The following LRRIQ1 variants were observed in gnomAD, a reference collection of about 807,000 sequenced individuals.
LRRIQ1 encodes the protein leucine rich repeats and IQ motif containing 1.
LRRIQ1 carries 210 observed loss-of-function variants against 211.9 expected under a neutral mutation model. The observed-to-expected ratio is 0.99, with a 90% confidence interval of 0.89 to 1.11. The LOEUF (loss-of-function observed/expected upper bound fraction) is 1.11. Among genes scored for constraint, LRRIQ1 ranks in the 50% most tolerant of loss-of-function variants. The pLI is 0.00. For missense variants in LRRIQ1, 2,136 were observed against 1,939.5 expected (o/e 1.10, Z -1.90); for synonymous variants, 699 against 650.1 (o/e 1.08, Z -1.14).
intron 26 of LRRIQ1, 140 bp from the exon 27 acceptor site, chr12:85,244,649 C>T (rs568837146): frequency 2.7e-6 from 2 of 729,898 alleles, no homozygotes; most frequent in South Asian, 1.8e-5. Context: ...TCTGCCTGGG[C>T]AGCAATAAAG....
chr12:85,103,973 ATTT>A (rs749288424), intron 13 of LRRIQ1, 28 bp from the exon 14 acceptor site: 9 of 1,406,410 alleles, frequency 6.4e-6, no homozygotes, highest in Non-Finnish European at 8.9e-6. Context: ...CCAATTTAGA[ATTT>A]TGATGAAGTT....
At position 85,124,218 on chromosome 12, in the gene LRRIQ1, G is replaced by T; in HGVS notation, c.3706G>T (p.Ala1236Ser). ...ATCAGAAGCCCAGAAAAATCATTTG[G>T]CCCCTACAAACAGTGACAGCACTCT... Reference protein sequence around the residue: ...DESEAQKNHLAPTNSDSTLQN... With the variant: ...DESEAQKNHLSPTNSDSTLQN... The change falls in exon 17 of 27, where the codon GCC becomes TCC. Residue 1236 changes from alanine (A) to serine (S), a missense_variant. Ala to Ser is a moderately conservative substitution (Grantham distance 99, BLOSUM62 1). Coordinates refer to ENST00000393217, the MANE Select transcript of LRRIQ1 (RefSeq NM_001079910.2). 1 of 1,613,972 alleles carries T rather than the reference G, an allele frequency of 6.2e-7. No individual in the cohort carries two copies. Among genetic ancestry groups the T allele is most frequent in the Non-Finnish European group, 8.5e-7 (1 of 1,179,984 alleles).
At chr12:85,076,425 T>C (rs1430043270) in intron 11 of LRRIQ1, 2 of 156,058 alleles carry the variant, frequency 1.3e-5, no homozygotes, top group African/African-American at 4.8e-5. Context: ...TTAGGAAAAC[T>C]TTAATCTGAA....
intron 24 of LRRIQ1, among the ~76,000 whole-genome samples, chr12:85,190,419 TATAA>T (rs1029725245): frequency 2.0e-5 from 3 of 147,276 alleles, no homozygotes; most frequent in East Asian, 2.0e-4. Flanking sequence ...ATACAGTTAA[TATAA>T]ATAATTATAT....
chr12:85,161,756 A>G (rs1459269101), intron 24 of LRRIQ1, among the ~76,000 whole-genome samples: 2 of 152,142 alleles, frequency 1.3e-5, no homozygotes, highest in Admixed American at 6.6e-5. Context: ...GTAGATAGCA[A>G]TAGTCTGGGC....
rs60371759 is a variant in LRRIQ1 at position 85,236,830 on chromosome 12, C to CATATATATATATATATATATATAT, written c.5016+4077_5016+4100dup. On this transcript the variant is annotated intron_variant, in intron 26 of 26. Transcript: ENST00000393217. ...CTGGATATATGTATGTGTATGTGTG[C>CATATATATATATATATATATATAT]ATATATATATATATATATATATATA... 1.3e-3 allele frequency among the ~76,000 whole-genome samples: 139 copies of CATATATATATATATATATATATAT among 108,734 alleles called. 2 individuals are homozygous for CATATATATATATATATATATATAT. The highest frequency in any genetic ancestry group is 2.8e-3 in the African/African-American group (62 of 22,320). 71.3% of individuals were successfully genotyped at this position (108,734 alleles called of 152,430 possible).
intron 24 of LRRIQ1, among the ~76,000 whole-genome samples, chr12:85,189,376 T>A (rs953761889): frequency 6.6e-6 from 1 of 152,112 alleles, no homozygotes; most frequent in African/African-American, 2.4e-5. Flanking sequence ...TGCTCTCTGA[T>A]GTCTGTATTC....
chr12:85,041,410 A>G (rs537534817), intron 3 of LRRIQ1, among the ~76,000 whole-genome samples: 1 of 151,782 alleles, frequency 6.6e-6, no homozygotes, highest in Non-Finnish European at 1.5e-5. Flanking sequence ...GCTATGAAGG[A>G]AAAAAATGTA....
At chr12:85,138,310 A>T (rs1015326496) in intron 19 of LRRIQ1, among the ~76,000 whole-genome samples, 9 of 151,592 alleles carry the variant, frequency 5.9e-5, no homozygotes, top group Admixed American at 6.6e-5. Context: ...TCTGAGATCT[A>T]ATCCAGAATC....
intron 11 of LRRIQ1, among the ~76,000 whole-genome samples, chr12:85,084,283 T>C (rs1884594080): frequency 6.6e-6 from 1 of 152,054 alleles, no homozygotes; most frequent in Admixed American, 6.5e-5. Context: ...ATGTAAACAC[T>C]AAACAAAATG....
chr12:85,225,551 G>A (rs907750282), intron 24 of LRRIQ1, among the ~76,000 whole-genome samples: 1 of 151,992 alleles, frequency 6.6e-6, no homozygotes, highest in Non-Finnish European at 1.5e-5. Flanking sequence ...ATTACTTAAG[G>A]TTGTGTTTTG....
intron 24 of LRRIQ1, among the ~76,000 whole-genome samples, chr12:85,182,126 A>G (rs181035911): frequency 5.3e-4 from 80 of 152,174 alleles, no homozygotes; most frequent in African/African-American, 1.9e-3. Flanking sequence ...CTATTTGAAC[A>G]TGTTCCCAAA....
intron 24 of LRRIQ1, among the ~76,000 whole-genome samples, chr12:85,196,580 G>C (rs1892925863): frequency 6.6e-6 from 1 of 152,210 alleles, no homozygotes; most frequent in Admixed American, 6.5e-5. Flanking sequence ...ATGGGGAAAG[G>C]ATTCCCTGTT....
intron 3 of LRRIQ1, among the ~76,000 whole-genome samples, chr12:85,044,251 TCAA>T (rs1254438618): frequency 6.6e-6 from 1 of 152,062 alleles, no homozygotes; most frequent in African/African-American, 2.4e-5. Flanking sequence ...ATTATAAAAT[TCAA>T]CAACTCATAA....
At chr12:85,217,624 A>C (rs1565910021) in intron 24 of LRRIQ1, among the ~76,000 whole-genome samples, 1 of 138,852 alleles carries the variant, frequency 7.2e-6, no homozygotes, top group Non-Finnish European at 1.5e-5. Context: ...ATATATGTAT[A>C]TATGTATATA....
At chr12:85,072,688 C>T (rs1483805517) in intron 10 of LRRIQ1, among the ~76,000 whole-genome samples, 1 of 151,588 alleles carries the variant, frequency 6.6e-6, no homozygotes, top group Non-Finnish European at 1.5e-5. Context: ...CTAAATTCTA[C>T]CTTGTCCGAT....
chr12:85,255,465 T>C (rs1042608726), intron 1 of LRRIQ1, among the ~76,000 whole-genome samples: 1 of 151,784 alleles, frequency 6.6e-6, no homozygotes, highest in African/African-American at 2.4e-5. Flanking sequence ...AACAATAAAA[T>C]GGTAATATCT....
At chr12:85,147,167 T>C (rs972796269) in intron 19 of LRRIQ1, among the ~76,000 whole-genome samples, 3 of 151,804 alleles carry the variant, frequency 2.0e-5, no homozygotes, top group African/African-American at 7.2e-5. Flanking sequence ...AGGCCACATT[T>C]GTATGGCCAA....
At chr12:85,185,489 G>T (rs2136908192) in intron 24 of LRRIQ1, among the ~76,000 whole-genome samples, 1 of 151,736 alleles carries the variant, frequency 6.6e-6, no homozygotes, top group African/African-American at 2.4e-5. Flanking sequence ...AATATGTACA[G>T]AAATAAAATT....
Sources: gnomAD v4.1 joint callset for allele counts (sites outside exome capture counted in the v4.1 genomes callset) on GRCh38, gnomAD v4.1.1 for gene constraint, MANE v1.5 for transcripts, NCBI Gene and HGNC (gene_info 2026-07-23, HGNC 2026-07-21) for gene names.